Variants in PRKN observed in about 807,000 individuals in gnomAD.
The protein encoded by PRKN is E3 ubiquitin-protein ligase parkin.
PRKN carries 56 observed loss-of-function variants against 59.5 expected under a neutral mutation model. That is an observed-to-expected ratio of 0.94 (90% confidence interval 0.76 to 1.18). The LOEUF (loss-of-function observed/expected upper bound fraction) is 1.18. Among genes scored for constraint, PRKN ranks in the 50% most tolerant of loss-of-function variants. The pLI, the probability that PRKN is intolerant of heterozygous loss-of-function variation, is 0.00. For synonymous variants in PRKN, 250 were observed against 222.1 expected, an observed-to-expected ratio of 1.13 and a Z score of -1.12; for missense variants, 657 against 596.4, an observed-to-expected ratio of 1.10 and a Z score of -1.06.
intron 7 of PRKN, among the ~76,000 whole-genome samples, chr6:161,622,187 T>G (rs1782929947): frequency 1.3e-5 from 2 of 152,290 alleles, no homozygotes; most frequent in South Asian, 4.1e-4. Context: ...CACCAGCTGC[T>G]GCAGTAGTGG....
chr6:162,366,992 G>T (rs1029361350), intron 2 of PRKN, among the ~76,000 whole-genome samples: 1 of 152,260 alleles, frequency 6.6e-6, no homozygotes, highest in East Asian at 1.9e-4. Flanking sequence ...TGGTTTGGCT[G>T]TGTCCCTACC....
chr6:161,919,344 G>C (rs1778693398), intron 6 of PRKN, among the ~76,000 whole-genome samples: 1 of 152,190 alleles, frequency 6.6e-6, no homozygotes, highest in Non-Finnish European at 1.5e-5. Flanking sequence ...TGTTTGCCTA[G>C]GGCTGAAGGT....
intron 6 of PRKN, among the ~76,000 whole-genome samples, chr6:161,861,134 C>T (rs2155483): frequency 0.48 from 72,245 of 151,988 alleles, 17,509 homozygotes; most frequent in East Asian, 0.73. Flanking sequence ...TGCACACGTA[C>T]GTTTATTGCA....
At chr6:161,704,674 T>C (rs1403368706) in intron 7 of PRKN, among the ~76,000 whole-genome samples, 1 of 152,088 alleles carries the variant, frequency 6.6e-6, no homozygotes, top group Non-Finnish European at 1.5e-5. Flanking sequence ...GCCTGTGCAG[T>C]ACCACACCAA....
chr6:161,651,484 A>T (rs1201851080), intron 7 of PRKN, among the ~76,000 whole-genome samples: 1 of 152,180 alleles, frequency 6.6e-6, no homozygotes, highest in African/African-American at 2.4e-5. Flanking sequence ...TAGCTTGAGA[A>T]ATACTATTCT....
chr6:162,008,012 A>C (rs958424392), intron 5 of PRKN, among the ~76,000 whole-genome samples: 2 of 152,198 alleles, frequency 1.3e-5, no homozygotes, highest in Admixed American at 6.6e-5. Context: ...CACACACTTA[A>C]GCAAGATACT....
rs929340408 is a variant in PRKN, at chr6:161,445,004, T to C, written c.1084-58127A>G. 2.0e-4 allele frequency among the ~76,000 whole-genome samples: 31 copies of C among 151,724 alleles called. No individual in the cohort carries two copies. Among genetic ancestry groups the C allele is most frequent in the African/African-American group, 6.6e-4 (27 of 40,978 alleles). ...TTTGGCACAATATCTTTTTTTGTTT[T>C]TTTAATCTCTAGGTAACCAACCCCT... On this transcript the variant is annotated intron_variant, in intron 9 of 11. Transcript: ENST00000366898. The surrounding 1 kb of genome is among the most constrained non-coding windows in gnomAD (Gnocchi z 7.7).
chr6:162,161,257 G>A (rs1194453083), intron 4 of PRKN, among the ~76,000 whole-genome samples: 2 of 152,144 alleles, frequency 1.3e-5, no homozygotes, highest in Non-Finnish European at 2.9e-5. Context: ...ACAATCCTCT[G>A]GAAGGTACAA....
intron 6 of PRKN, among the ~76,000 whole-genome samples, chr6:161,842,061 T>C (rs1161497643): frequency 6.6e-6 from 1 of 152,186 alleles, no homozygotes; most frequent in Non-Finnish European, 1.5e-5. Flanking sequence ...ATTTCTTTCC[T>C]GTACTCCTTA....
At chr6:161,617,721 A>G (rs1782748498) in intron 7 of PRKN, among the ~76,000 whole-genome samples, 1 of 152,222 alleles carries the variant, frequency 6.6e-6, no homozygotes, top group Non-Finnish European at 1.5e-5. Context: ...GGAGGTTTGA[A>G]TAAGCTAATA....
intron 7 of PRKN, among the ~76,000 whole-genome samples, chr6:161,757,764 G>A (rs1483970766): frequency 6.7e-6 from 1 of 150,148 alleles, no homozygotes; most frequent in East Asian, 2.0e-4. Context: ...CTTGAACCCG[G>A]GATGCAGAGG....
In PRKN at chr6:161,582,971, A is replaced by AACACACACACACACACAC. The variant is rs768568929; in HGVS notation, c.872-13573_872-13556dup. Among the ~76,000 whole-genome samples, 1 of 117,158 alleles carries AACACACACACACACACAC rather than the reference A, an allele frequency of 8.5e-6. No individual in the cohort carries two copies. Among genetic ancestry groups the AACACACACACACACACAC allele is most frequent in the African/African-American group, 2.9e-5 (1 of 34,450 alleles). 76.9% of individuals were successfully genotyped at this position (117,158 alleles called of 152,430 possible). ...TCTTTCCAGTGAGATGGCCTATTCC[A>AACACACACACACACACAC]ACACACACACACACACACACACACA... On this transcript the variant is annotated intron_variant, in intron 7 of 11. Coordinates refer to ENST00000366898, the MANE Select transcript of PRKN (RefSeq NM_004562.3). The surrounding 1 kb of genome is among the most constrained non-coding windows in gnomAD (Gnocchi z 4.4).
At chr6:162,524,883 A>G (rs1331324351) in intron 1 of PRKN, among the ~76,000 whole-genome samples, 1 of 152,172 alleles carries the variant, frequency 6.6e-6, no homozygotes, top group Non-Finnish European at 1.5e-5. Flanking sequence ...TCCCAAGGTT[A>G]TAAGACTGAA....
At chr6:162,687,521 A>G (rs1414210387) in intron 1 of PRKN, among the ~76,000 whole-genome samples, 1 of 152,114 alleles carries the variant, frequency 6.6e-6, no homozygotes, top group Non-Finnish European at 1.5e-5. Context: ...AGAATGGAAT[A>G]AAGCCAGATA....
chr6:162,315,138 T>G (rs1240595189), intron 2 of PRKN, among the ~76,000 whole-genome samples: 2 of 152,174 alleles, frequency 1.3e-5, no homozygotes, highest in Admixed American at 1.3e-4. Context: ...TCTCCTTCCT[T>G]AAAAACAAAC....
chr6:161,774,310 A>C (rs1789819736), intron 7 of PRKN, among the ~76,000 whole-genome samples: 1 of 151,484 alleles, frequency 6.6e-6, no homozygotes, highest in Non-Finnish European at 1.5e-5. Context: ...CTGTGTGTTG[A>C]CAGCCCGTTT....
intron 2 of PRKN, among the ~76,000 whole-genome samples, chr6:162,397,196 AAATTTGCTT>A (rs1787518670): frequency 6.6e-6 from 1 of 152,168 alleles, no homozygotes; most frequent in East Asian, 1.9e-4. Flanking sequence ...AAATTCCAGA[AAATTTGCTT>A]AATTATTGTT....
intron 4 of PRKN, among the ~76,000 whole-genome samples, chr6:162,075,709 G>T (rs1434471613): frequency 6.6e-6 from 1 of 152,030 alleles, no homozygotes; most frequent in Non-Finnish European, 1.5e-5. Context: ...GCTAGATAAG[G>T]ACTTAGCAAG....
At chr6:161,698,925 T>C (rs9456701) in intron 7 of PRKN, among the ~76,000 whole-genome samples, 91,199 of 151,980 alleles carry the variant, frequency 0.6, 28,564 homozygotes, top group Non-Finnish European at 0.7. Context: ...AGATCTGCTC[T>C]TTGAAAGACA....
Sources: gnomAD v4.1 joint callset for allele counts (sites outside exome capture counted in the v4.1 genomes callset) on GRCh38, gnomAD v4.1.1 for gene constraint, Gnocchi (gnomAD v3.1) non-coding constraint, MANE v1.5 for transcripts, NCBI Gene and HGNC (gene_info 2026-07-23, HGNC 2026-07-21) for gene names.